Variants in CASZ1 observed in about 807,000 individuals in gnomAD.
The protein encoded by CASZ1 is zinc finger protein castor homolog 1.
A neutral mutation model predicts 135.2 loss-of-function variants in CASZ1; 28 were observed. The ratio of observed to expected loss-of-function variants is 0.21; its 90% CI spans 0.15 to 0.28. The LOEUF is 0.28. Ranked by LOEUF, CASZ1 falls within the 10% of genes least tolerant of loss-of-function variation. The pLI, the probability that CASZ1 is intolerant of heterozygous loss-of-function variation, is 1.00. For synonymous variants in CASZ1, 1,068 were observed against 1,073.4 expected (o/e 0.99, Z 0.10); for missense variants, 2,161 against 2,453.3 (o/e 0.88, Z 2.52).
At chr1:10,668,656 C>T (rs1291810941) in intron 4 of CASZ1, among the ~76,000 whole-genome samples, 1 of 152,278 alleles carries the variant, frequency 6.6e-6, no homozygotes, top group African/African-American at 2.4e-5. Context: ...TGGCGCAGCA[C>T]CAGGGTATGG....
chr1:10,655,600 G>A (rs765787181), intron 9 of CASZ1, 49 bp downstream of exon 9: 1 of 1,551,342 alleles, frequency 6.4e-7, no homozygotes, highest in African/African-American at 1.4e-5. Flanking sequence ...AGCCGGGAGG[G>A]CCTGGGCCAG....
rs866804442 is a variant in CASZ1, at chr1:10,650,401, C to T, written c.2880+291G>A. The T allele has an allele frequency of 1.4e-3, 322 of 235,964 alleles. 1 individual carries two copies. The Middle Eastern group carries it at 0.015, about 11-fold the overall frequency. The allele number at this position is 235,964 out of a possible 1,614,324, so 14.6% of individuals were successfully genotyped here. A position where few individuals can be genotyped will look rare whatever the true frequency, so the allele number is the denominator to read the frequency against. On this transcript the variant is annotated intron_variant, in intron 13 of 20. Transcript: ENST00000377022. ...TAAAATAAATAAATAAAATTAATAA[C>T]GAGGCACGAACGAAGTTGAAGGGCT...
rs990641229 is a variant in CASZ1 at position 10,717,870 on chromosome 1, G to A, written c.-76-12326C>T. On this transcript the variant is annotated intron_variant, in intron 2 of 20. Transcript: ENST00000377022. This position sits in a 1 kb window ranked among gnomAD's most constrained non-coding sequence, Gnocchi z 4.6. ...CTGTGGTAGGACAACAGCCATCAGT[G>A]GGAGGAAGAGTCCGGGCAGGCTGGT... Among the ~76,000 whole-genome samples the A allele has an allele frequency of 3.9e-5, 6 of 152,262 alleles. No individual in the cohort carries two copies. The highest frequency in any genetic ancestry group is 1.4e-4 in the African/African-American group (6 of 41,470).
At chr1:10,687,414 G>T (rs949747612) in intron 4 of CASZ1, among the ~76,000 whole-genome samples, 4 of 152,244 alleles carry the variant, frequency 2.6e-5, no homozygotes, top group African/African-American at 9.6e-5. Flanking sequence ...GCCCAGAAGG[G>T]CCAGAGGAGA....
chr1:10,643,080 G>C (rs540962807), intron 19 of CASZ1, 80 bp from the exon 20 acceptor site: 9 of 1,594,970 alleles, frequency 5.6e-6, no homozygotes, highest in Admixed American at 3.4e-5. Flanking sequence ...GCTCCATGCA[G>C]CACAGGCCTG....
intron 4 of CASZ1, among the ~76,000 whole-genome samples, chr1:10,677,261 C>T (rs574658104): frequency 2.6e-5 from 4 of 152,200 alleles, no homozygotes; most frequent in Non-Finnish European, 2.9e-5. Context: ...AGTCACCCAG[C>T]GCCAAAGCCT....
At chr1:10,673,052 G>A (rs540843215) in intron 4 of CASZ1, among the ~76,000 whole-genome samples, 24 of 152,254 alleles carry the variant, frequency 1.6e-4, no homozygotes, top group African/African-American at 5.8e-4. Context: ...AGTGGCGAGT[G>A]GAGAAAAGAG....
chr1:10,658,482 C>T (rs750059618), intron 7 of CASZ1, 26 bp downstream of exon 7: 16 of 1,595,936 alleles, frequency 1.0e-5, no homozygotes, highest in African/African-American at 5.4e-5. Flanking sequence ...CTTCTCTCCA[C>T]GGCAGGCTCC....
At chr1:10,684,936 G>A (rs540032794) in intron 4 of CASZ1, among the ~76,000 whole-genome samples, 112 of 152,314 alleles carry the variant, frequency 7.4e-4, no homozygotes, top group Middle Eastern at 3.4e-3. Flanking sequence ...AGCTGCCCAC[G>A]GGGGAGCCCA....
Position 10,774,533 on chromosome 1 carries a change from T to C in CASZ1, c.-233-13676A>G, listed in dbSNP as rs1192730165. ...CCTTCTGCACATTCTTTAAGCCCCG[T>C]GATCCCAAGAAATCCCATCCATAGC... On this transcript the variant is annotated intron_variant, in intron 1 of 20. Transcript: ENST00000377022. The surrounding 1 kb of genome is among the most constrained non-coding windows in gnomAD (Gnocchi z 4.4). 1.4e-5 allele frequency among the ~76,000 whole-genome samples: 2 copies of C among 140,544 alleles called. No homozygotes were observed. Among genetic ancestry groups the C allele is most frequent in the East Asian group, 4.1e-4 (2 of 4,862 alleles). The allele number at this position is 140,544 out of a possible 152,430, so 92.2% of individuals were successfully genotyped here.
Position 10,725,262 on chromosome 1 carries a change from G to A in CASZ1, c.-76-19718C>T, listed in dbSNP as rs370403315. Among the ~76,000 whole-genome samples, 43 of 152,346 alleles carry A rather than the reference G, an allele frequency of 2.8e-4. No homozygotes were observed. Among genetic ancestry groups the A allele is most frequent in the African/African-American group, 1.0e-3 (42 of 41,584 alleles). On this transcript the variant is annotated intron_variant, in intron 2 of 20. Transcript: ENST00000377022. The surrounding 1 kb of genome is among the most constrained non-coding windows in gnomAD (Gnocchi z 4.4). The stretch of plus-strand genomic sequence containing the variant: ...CGGCCAAGTAGGCTGGGTGCCAGGC[G>A]TCTGCCAGGCCCCTCCACCGTGCCA...
intron 1 of CASZ1, among the ~76,000 whole-genome samples, chr1:10,773,500 G>A (rs1017315964): frequency 6.6e-5 from 10 of 152,182 alleles, no homozygotes; most frequent in East Asian, 1.9e-4. Context: ...AGTGGGACCC[G>A]GGAAGGAAAT....
rs766183434 is a variant in CASZ1, at chr1:10,658,604, G to A, written c.1341-28C>T. On this transcript the variant is annotated intron_variant, in intron 6 of 20. Transcript: ENST00000377022. ...GGCAAGAGACACACAGGGCACAGCC[G>A]GTGAGCAGATGGGGCAGCCTCGTGT... The A allele has an allele frequency of 1.4e-5, 23 of 1,607,110 alleles. No individual in the cohort carries two copies. The East Asian group carries it at 1.6e-4, about 11-fold the overall frequency.
chr1:10,785,702 CGTT>C (rs1640846695), intron 1 of CASZ1, among the ~76,000 whole-genome samples: 1 of 152,246 alleles, frequency 6.6e-6, no homozygotes. Context: ...AAGGGACAAC[CGTT>C]GTCCTCTGCC....
In CASZ1 at chr1:10,676,196, C is replaced by A. The variant is rs1643561015; in HGVS notation, c.17-10625G>T. Among the ~76,000 whole-genome samples the A allele has an allele frequency of 1.3e-5, 2 of 152,146 alleles. No individual in the cohort carries two copies. Among genetic ancestry groups the A allele is most frequent in the Non-Finnish European group, 2.9e-5 (2 of 68,006 alleles). ...GTGTGATCTCAGGGTGGTGACAAACCCATGCCAACCAAGTGACAGACACCA... is the reference window on the plus strand; with the variant it reads ...GTGTGATCTCAGGGTGGTGACAAACACATGCCAACCAAGTGACAGACACCA... On this transcript the variant is annotated intron_variant, in intron 4 of 20. Transcript: ENST00000377022. The surrounding 1 kb of genome is among the most constrained non-coding windows in gnomAD (Gnocchi z 4.5).
Position 10,727,407 on chromosome 1 carries a change from A to C in CASZ1, c.-76-21863T>G, listed in dbSNP as rs1208525387. Among the ~76,000 whole-genome samples, 3 of 151,594 alleles carry C rather than the reference A, an allele frequency of 2.0e-5. No individual in the cohort carries two copies. The highest frequency in any genetic ancestry group is 6.6e-5 in the Admixed American group (1 of 15,264). ...TTAAGTCCAGAAAAGAAAAAAAAAA[A>C]CAACCCAGCCTCCCAGAAGCTCACA... On this transcript the variant is annotated intron_variant, in intron 2 of 20. Transcript: ENST00000377022. The surrounding 1 kb of genome is among the most constrained non-coding windows in gnomAD (Gnocchi z 5.3).
At position 10,790,897 on chromosome 1, in the gene CASZ1, T is replaced by TG. The variant is rs568630364; in HGVS notation, c.-234+5666dup. On this transcript the variant is annotated intron_variant, in intron 1 of 20. Transcript: ENST00000377022. Reference sequence around the variant, plus strand: ...AGGACATCTAGCACATTCTAAAGTTTGGGGGGGGACATCATGAGGAATCTT... The same window carrying TG: ...AGGACATCTAGCACATTCTAAAGTTTGGGGGGGGGACATCATGAGGAATCTT... 3.2e-4 allele frequency among the ~76,000 whole-genome samples: 48 copies of TG among 151,108 alleles called. No individual in the cohort carries two copies. The South Asian group carries it at 5.0e-3, about 16-fold the overall frequency.
chr1:10,773,408 C>T (rs368913403), intron 1 of CASZ1, among the ~76,000 whole-genome samples: 2 of 81,954 alleles, frequency 2.4e-5, no homozygotes, highest in Non-Finnish European at 5.2e-5. Flanking sequence ...GGGGAGGGGG[C>T]GGGGGTGGAG....
intron 2 of CASZ1, among the ~76,000 whole-genome samples, chr1:10,715,033 T>C (rs1230428419): frequency 6.6e-6 from 1 of 152,200 alleles, no homozygotes; most frequent in African/African-American, 2.4e-5. Flanking sequence ...TTCCATTAGC[T>C]GACTTTAGGG....
Sources: allele counts gnomAD v4.1 joint callset (sites outside exome capture counted in the v4.1 genomes callset), GRCh38; gene constraint gnomAD v4.1.1; non-coding constraint Gnocchi (gnomAD v3.1); transcripts MANE v1.5; gene names NCBI Gene and HGNC (gene_info 2026-07-23, HGNC 2026-07-21).